The following FHAD1 variants were observed in gnomAD, a reference collection of about 807,000 sequenced individuals.
The protein encoded by FHAD1 is forkhead-associated domain-containing protein 1.
FHAD1 carries 146 observed loss-of-function variants against 191.3 expected under a neutral mutation model. That is an observed-to-expected ratio of 0.76 (90% CI 0.67 to 0.88). The LOEUF is 0.88. Ranked by LOEUF, FHAD1 falls within the 40% of genes least tolerant of loss-of-function variation. The probability of loss-of-function intolerance (pLI) is 0.00; values close to 1 mark genes in which losing one functional copy is unlikely to be tolerated. For missense variants in FHAD1, 1,635 were observed against 1,785.8 expected, an observed-to-expected ratio of 0.92 and a Z score of 1.52; for synonymous variants, 616 against 672.3, an observed-to-expected ratio of 0.92 and a Z score of 1.29.
Position 15,312,974 on chromosome 1 carries a change from C to A in FHAD1, c.1040-83C>A. 1 of 1,509,568 alleles carries A rather than the reference C, an allele frequency of 6.6e-7. No individual in the cohort carries two copies. Among genetic ancestry groups the A allele is most frequent in the East Asian group, 2.5e-5 (1 of 40,560 alleles). 93.5% of individuals were successfully genotyped at this position (1,509,568 alleles called of 1,614,324 possible). A position where few individuals can be genotyped will look rare whatever the true frequency, so the allele number is the denominator to read the frequency against. On this transcript the variant is annotated intron_variant, in intron 7 of 33. Coordinates refer to ENST00000688493, the MANE Select transcript of FHAD1 (RefSeq NM_001391957.1). The surrounding 1 kb of genome is among the most constrained non-coding windows in gnomAD (Gnocchi z 4.7). ...AGACACCTCCCTTCTCAGTGCCAGG[C>A]TCGTCACAAACTGGTTGACAGCGGC...
chr1:15,376,072 TATTTA>T (rs1192967918), intron 28 of FHAD1, among the ~76,000 whole-genome samples: 2,713 of 140,426 alleles, frequency 0.019, 107 homozygotes, highest in African/African-American at 0.068. Flanking sequence ...TTTATTTATT[TATTTA>T]TTTTTTTATT....
At chr1:15,364,259 T>C (rs1695718150) in intron 23 of FHAD1, 1 of 156,368 alleles carries the variant, frequency 6.4e-6, no homozygotes, top group South Asian at 1.9e-4. Flanking sequence ...GTTTGTTTGT[T>C]TGACATGCAA....
rs71000398 is a variant in FHAD1 at position 15,398,276 on chromosome 1, C to CAAA, written c.*879_*881dup. The CAAA allele has an allele frequency of 0.022, 2,376 of 108,888 alleles. 40 individuals carry two copies. The highest frequency in any genetic ancestry group is 0.03 in the Non-Finnish European group (1,627 of 54,474). 6.7% of individuals were successfully genotyped at this position (108,888 alleles called of 1,614,324 possible). On this transcript the variant is annotated 3_prime_UTR_variant, in exon 34 of 34. Coordinates refer to ENST00000688493, the MANE Select transcript of FHAD1 (RefSeq NM_001391957.1). ...TGAGTGACAGAGCAAGACTCCATCT[C>CAAA]AAAAAAAAAAAAAAAAAATCTGTTT...
chr1:15,266,937 G>A (rs1217994850), intron 2 of FHAD1, among the ~76,000 whole-genome samples: 1 of 151,706 alleles, frequency 6.6e-6, no homozygotes, highest in Admixed American at 6.6e-5. Flanking sequence ...TTTTATCATT[G>A]ACTGATGTTT....
At position 15,312,051 on chromosome 1, in the gene FHAD1, G is replaced by A. The variant is rs1672434920; in HGVS notation, c.1040-1006G>A. ...GGCTGCTTGAGTGTCCTCACAACAT[G>A]GCGGTTGGCTTTCCCCAGACTGAGT... On this transcript the variant is annotated intron_variant, in intron 7 of 33. Coordinates refer to ENST00000688493, the MANE Select transcript of FHAD1 (RefSeq NM_001391957.1). This position sits in a 1 kb window ranked among gnomAD's most constrained non-coding sequence, Gnocchi z 4.7. 1 of 152,286 alleles carries A rather than the reference G, an allele frequency of 6.6e-6. No homozygotes were observed. The highest frequency in any genetic ancestry group is 1.5e-5 in the Non-Finnish European group (1 of 68,108). The allele number at this position is 152,286 out of a possible 1,614,324, so 9.4% of individuals were successfully genotyped here.
intron 3 of FHAD1, among the ~76,000 whole-genome samples, chr1:15,273,482 T>C (rs1030996998): frequency 2.0e-5 from 2 of 98,758 alleles, no homozygotes; most frequent in African/African-American, 7.8e-5. Context: ...GGGTTCCTCA[T>C]GACCTTAGCA....
intron 28 of FHAD1, among the ~76,000 whole-genome samples, chr1:15,377,279 A>G (rs1699887455): frequency 6.6e-6 from 1 of 152,130 alleles, no homozygotes; most frequent in African/African-American, 2.4e-5. Flanking sequence ...CTGGTTTTCT[A>G]GAGAAAATCA....
chr1:15,250,127 C>A (rs1258493054), intron 1 of FHAD1, among the ~76,000 whole-genome samples: 1 of 152,106 alleles, frequency 6.6e-6, no homozygotes, highest in African/African-American at 2.4e-5. Context: ...TTGTTTTTAC[C>A]CATAGTCCAA....
intron 1 of FHAD1, among the ~76,000 whole-genome samples, chr1:15,251,146 A>G (rs937035562): frequency 1.3e-5 from 2 of 149,976 alleles, no homozygotes; most frequent in Non-Finnish European, 3.0e-5. Context: ...GTGGTGGTGC[A>G]CACCTGTAAT....
chr1:15,400,696 T>C (rs993952172), downstream of FHAD1, among the ~76,000 whole-genome samples: 2 of 152,244 alleles, frequency 1.3e-5, no homozygotes, highest in Non-Finnish European at 2.9e-5. Context: ...TCAGTAGCAC[T>C]GAGGTTGAGA....
In FHAD1 at chr1:15,335,639, C is replaced by T. The variant is rs999060304; in HGVS notation, c.1907-3842C>T. Among the ~76,000 whole-genome samples the T allele has an allele frequency of 3.3e-5, 5 of 152,294 alleles. No individual in the cohort carries two copies. In the South Asian group the frequency reaches 1.0e-3, roughly 32 times the overall value. Reference sequence around the variant, plus strand: ...TCATTGAGGGCCCCTGTGTGCCAGCCACTGTGCAGAACATGAAGACGCAGT... The same window carrying T: ...TCATTGAGGGCCCCTGTGTGCCAGCTACTGTGCAGAACATGAAGACGCAGT... On this transcript the variant is annotated intron_variant, in intron 14 of 33. Coordinates refer to ENST00000688493, the MANE Select transcript of FHAD1 (RefSeq NM_001391957.1).
rs1276757091 is a variant in FHAD1, at chr1:15,329,200, AG to A, written c.1711-145del. 2 of 598,520 alleles carry A rather than the reference AG, an allele frequency of 3.3e-6. No individual in the cohort carries two copies. The highest frequency in any genetic ancestry group is 5.5e-6 in the Non-Finnish European group (2 of 360,528). The allele number at this position is 598,520 out of a possible 1,614,324, so 37.1% of individuals were successfully genotyped here. ...TGTCAAAACATAAAAATTTTAAAAA[AG>A]AAAAAAACTGAGTCCTCCCAAGGCG... On this transcript the variant is annotated intron_variant, in intron 13 of 33. Coordinates refer to ENST00000688493, the MANE Select transcript of FHAD1 (RefSeq NM_001391957.1). This position sits in a 1 kb window ranked among gnomAD's most constrained non-coding sequence, Gnocchi z 5.0.
chr1:15,284,735 G>A (rs1341228567), intron 3 of FHAD1, among the ~76,000 whole-genome samples: 2 of 152,088 alleles, frequency 1.3e-5, no homozygotes, highest in Admixed American at 6.6e-5. Context: ...TGGAGTTCTC[G>A]AGTACATTAC....
At chr1:15,244,449 A>G (rs951530934), upstream of FHAD1, among the ~76,000 whole-genome samples, 8 of 152,154 alleles carry the variant, frequency 5.3e-5, no homozygotes, top group Non-Finnish European at 1.0e-4. The surrounding 1 kb of genome is among the most constrained non-coding windows in gnomAD (Gnocchi z 5.1). Context: ...TCTGTCTGAT[A>G]GCAAGTTTGT....
chr1:15,379,064 T>G (rs536798287), intron 28 of FHAD1, among the ~76,000 whole-genome samples: 70 of 151,956 alleles, frequency 4.6e-4, no homozygotes, highest in Admixed American at 7.2e-4. Flanking sequence ...TCTCGTAAGG[T>G]GGAACGAGAG....
At chr1:15,272,809 C>T (rs1236945520) in intron 3 of FHAD1, among the ~76,000 whole-genome samples, 1 of 152,114 alleles carries the variant, frequency 6.6e-6, no homozygotes, top group Non-Finnish European at 1.5e-5. Flanking sequence ...TGAGAGGAGG[C>T]GGAAAACAAG....
intron 31 of FHAD1, among the ~76,000 whole-genome samples, chr1:15,386,951 C>T (rs1702277666): frequency 6.6e-6 from 1 of 151,978 alleles, no homozygotes; most frequent in South Asian, 2.1e-4. Flanking sequence ...CAACCTCTGC[C>T]TCCCAGGCTC....
intron 8 of FHAD1, among the ~76,000 whole-genome samples, chr1:15,314,241 C>T (rs925164185): frequency 6.6e-6 from 1 of 152,096 alleles, no homozygotes; most frequent in South Asian, 2.1e-4. Flanking sequence ...CTGAAGAGTT[C>T]GCCAAGTCTG....
intron 2 of FHAD1, among the ~76,000 whole-genome samples, chr1:15,257,245 C>T (rs1648633963): frequency 6.6e-6 from 1 of 152,234 alleles, no homozygotes; most frequent in Non-Finnish European, 1.5e-5. Flanking sequence ...GTCAGTTCCC[C>T]ACCAACAGTG....
Sources: gnomAD v4.1 joint callset for allele counts (sites outside exome capture counted in the v4.1 genomes callset) on GRCh38, gnomAD v4.1.1 for gene constraint, Gnocchi (gnomAD v3.1) non-coding constraint, MANE v1.5 for transcripts, NCBI Gene and HGNC (gene_info 2026-07-23, HGNC 2026-07-21) for gene names.